The following RASD2 variants were observed in gnomAD, a reference collection of about 807,000 sequenced individuals.
The protein encoded by RASD2 is RASD family member 2.
Under a neutral mutation model 15.8 loss-of-function variants are expected in RASD2, and 7 were observed. The ratio of observed to expected loss-of-function variants is 0.44; its 90% CI spans 0.25 to 0.83. The LOEUF is 0.83. Ranked by LOEUF, RASD2 falls within the 40% of genes least tolerant of loss-of-function variation. The probability of loss-of-function intolerance (pLI) is 0.20; values close to 1 mark genes in which losing one functional copy is unlikely to be tolerated. For missense variants in RASD2, 274 were observed against 382.8 expected (o/e 0.72, Z 2.37); for synonymous variants, 155 against 153.6 (o/e 1.01, Z -0.07).
chr22:35,548,031 G>A (rs192981865), intron 2 of RASD2, among the ~76,000 whole-genome samples: 64 of 152,344 alleles, frequency 4.2e-4, no homozygotes, highest in Admixed American at 3.2e-3. Flanking sequence ...GCTCGTAAAG[G>A]CAGTCTGCTT....
At chr22:35,538,566 C>T (rs946582565), upstream of RASD2, among the ~76,000 whole-genome samples, 3 of 152,152 alleles carry the variant, frequency 2.0e-5, no homozygotes, top group African/African-American at 4.8e-5. Flanking sequence ...TGAGCCCTAC[C>T]ATACCAGGAG....
the RASD2 span, among the ~76,000 whole-genome samples, chr22:35,533,728 T>C: frequency 0.011 from 1,732 of 151,298 alleles, 56 homozygotes; most frequent in African/African-American, 0.041. Context: ...GTGATGATGA[T>C]GATAGTGATG....
chr22:35,534,386 G>A, the RASD2 span, among the ~76,000 whole-genome samples: 1 of 152,222 alleles, frequency 6.6e-6, no homozygotes, highest in Non-Finnish European at 1.5e-5. Flanking sequence ...CCTTGCTCAG[G>A]TGTTGTCAGC....
At chr22:35,543,818 A>T (rs2899252) in intron 1 of RASD2, among the ~76,000 whole-genome samples, 37,463 of 144,776 alleles carry the variant, frequency 0.26, 6,806 homozygotes, top group East Asian at 0.65. Context: ...CCTCTCTCTG[A>T]CTCTTTGCCT....
chr22:35,540,195 C>A (rs752064217), upstream of RASD2, among the ~76,000 whole-genome samples: 200 of 152,134 alleles, frequency 1.3e-3, no homozygotes, highest in Admixed American at 4.5e-3. Context: ...CCGCTGGAGA[C>A]CCCGGCCGAG....
upstream of RASD2, among the ~76,000 whole-genome samples, chr22:35,536,365 G>A (rs947367256): frequency 4.1e-5 from 6 of 147,504 alleles, no homozygotes; most frequent in South Asian, 2.1e-4. Flanking sequence ...TCACTCTGTC[G>A]CCCAGGCTAG....
At chr22:35,535,813 C>T in the RASD2 span, among the ~76,000 whole-genome samples, 3 of 151,298 alleles carry the variant, frequency 2.0e-5, no homozygotes, top group African/African-American at 4.9e-5. Context: ...CGTTAAGTGG[C>T]CCATTCAAGG....
the RASD2 span, among the ~76,000 whole-genome samples, chr22:35,534,045 A>C: frequency 1.3e-5 from 2 of 152,190 alleles, no homozygotes; most frequent in African/African-American, 4.8e-5. Context: ...AGAAAGAGGG[A>C]TGCAGTCCAA....
At chr22:35,549,509 C>T (rs908646357) in intron 2 of RASD2, among the ~76,000 whole-genome samples, 3 of 152,196 alleles carry the variant, frequency 2.0e-5, no homozygotes, top group African/African-American at 7.2e-5. Context: ...GTCAAGGCCA[C>T]GAGTCCTCAG....
the RASD2 span, among the ~76,000 whole-genome samples, chr22:35,533,909 G>A: frequency 3.0e-3 from 456 of 151,902 alleles, 3 homozygotes; most frequent in African/African-American, 0.011. Flanking sequence ...GGATGATGAT[G>A]AGAGTGATGA....
Position 35,541,289 on chromosome 22 carries a change from C to A in RASD2, c.-221C>A, listed in dbSNP as rs1381941823. 2 of 152,146 alleles carry A rather than the reference C, an allele frequency of 1.3e-5. No homozygotes were observed. Among genetic ancestry groups the A allele is most frequent in the Admixed American group, 6.5e-5 (1 of 15,282 alleles). 9.4% of individuals were successfully genotyped at this position (152,146 alleles called of 1,614,324 possible). A position where few individuals can be genotyped will look rare whatever the true frequency, so the allele number is the denominator to read the frequency against. On this transcript the variant is annotated 5_prime_UTR_variant, in exon 1 of 3. Transcript: ENST00000216127. ...GGCCCCGCCGAGCCCTCGGAGCCCA[C>A]CCATGGGGCACCTGCCCCTTGCGCC...
chr22:35,540,486 T>G (rs958241587), upstream of RASD2, among the ~76,000 whole-genome samples: 1 of 149,734 alleles, frequency 6.7e-6, no homozygotes, highest in Admixed American at 6.6e-5. Flanking sequence ...GAGCGGGCTC[T>G]GGGGGGCAGA....
Position 35,551,856 on chromosome 22 carries a change from G to A in RASD2, c.625G>A (p.Gly209Ser), listed in dbSNP as rs1380717806. The A allele has an allele frequency of 5.6e-6, 9 of 1,613,858 alleles. No homozygotes were observed. Among genetic ancestry groups the A allele is most frequent in the East Asian group, 2.2e-5 (1 of 44,888 alleles). Residue 209 changes from glycine to serine, a missense_variant, in exon 3 of 3, where the codon GGT becomes AGT. Gly to Ser is a moderately conservative substitution (Grantham distance 56). Transcript: ENST00000216127. The surrounding 1 kb of genome is among the most constrained non-coding windows in gnomAD (Gnocchi z 4.9). Reference sequence around the variant, plus strand: ...GCATCGCAAGATCTCCGTGCAGTACGGTGACGCCTTCCACCCCAGGCCCTT... The same window carrying A: ...GCATCGCAAGATCTCCGTGCAGTACAGTGACGCCTTCCACCCCAGGCCCTT... ...ALHRKISVQYGDAFHPRPFCM... is the reference protein window; with the variant it reads ...ALHRKISVQYSDAFHPRPFCM...
At chr22:35,546,334 C>G (rs1934502219) in intron 1 of RASD2, among the ~76,000 whole-genome samples, 1 of 152,168 alleles carries the variant, frequency 6.6e-6, no homozygotes, top group Non-Finnish European at 1.5e-5. Flanking sequence ...CATGTCTTAT[C>G]CTAGAATCAC....
At chr22:35,533,420 A>T in the RASD2 span, among the ~76,000 whole-genome samples, 1 of 152,220 alleles carries the variant, frequency 6.6e-6, no homozygotes, top group South Asian at 2.1e-4. Flanking sequence ...CCTAAAAAGG[A>T]GCAAAAGGTC....
chr22:35,534,580 C>T, the RASD2 span, among the ~76,000 whole-genome samples: 1 of 152,200 alleles, frequency 6.6e-6, no homozygotes, highest in Non-Finnish European at 1.5e-5. Context: ...CTCCTGGCTG[C>T]CCACTCAGCT....
chr22:35,547,678 G>A (rs1197816599), intron 2 of RASD2, among the ~76,000 whole-genome samples: 1 of 152,116 alleles, frequency 6.6e-6, no homozygotes, highest in East Asian at 1.9e-4. Flanking sequence ...GCAGTGGCGC[G>A]ATCTCGGCTC....
chr22:35,544,528 T>G (rs1934445278), intron 1 of RASD2, among the ~76,000 whole-genome samples: 1 of 152,236 alleles, frequency 6.6e-6, no homozygotes, highest in Non-Finnish European at 1.5e-5. Context: ...GACAGAGCCC[T>G]TTGCCATTTG....
chr22:35,541,672 G>A (rs985718267), intron 1 of RASD2, among the ~76,000 whole-genome samples, 172 bp downstream of exon 1: 2 of 152,226 alleles, frequency 1.3e-5, no homozygotes, highest in African/African-American at 4.8e-5. Context: ...CATACCTAGA[G>A]AGAATTAAAT....
Sources: allele counts gnomAD v4.1 joint callset (sites outside exome capture counted in the v4.1 genomes callset), GRCh38; gene constraint gnomAD v4.1.1; non-coding constraint Gnocchi (gnomAD v3.1); transcripts MANE v1.5; gene names NCBI Gene and HGNC (gene_info 2026-07-23, HGNC 2026-07-21).